The following PPP1R12A variants were observed in gnomAD, a reference collection of about 807,000 sequenced individuals.
The protein encoded by PPP1R12A is protein phosphatase 1 regulatory subunit 12A, also known as myosin binding subunit.
A neutral mutation model predicts 139.6 loss-of-function variants in PPP1R12A; 19 were observed. The ratio of observed to expected loss-of-function variants is 0.14; its 90% CI spans 0.09 to 0.20. The LOEUF is 0.20. PPP1R12A is among the 10% of genes least tolerant of loss of function. PPP1R12A has a pLI of 1.00. For missense variants in PPP1R12A, 925 were observed against 1,211.5 expected (o/e 0.76, Z 3.51); for synonymous variants, 427 against 420.6 (o/e 1.02, Z -0.19).
intron 14 of PPP1R12A, among the ~76,000 whole-genome samples, chr12:79,800,182 T>C (rs774754177): frequency 6.6e-6 from 1 of 152,046 alleles, no homozygotes; most frequent in African/African-American, 2.4e-5. Context: ...CAGAGTACAG[T>C]TGACTGCTGA....
chr12:79,890,931 A>ACACACC (rs1884574791), intron 1 of PPP1R12A, among the ~76,000 whole-genome samples: 2 of 148,934 alleles, frequency 1.3e-5, no homozygotes, highest in Non-Finnish European at 3.0e-5. Flanking sequence ...ACACACACAC[A>ACACACC]CACACACACA....
At chr12:79,923,952 G>A (rs1427352523) in intron 1 of PPP1R12A, among the ~76,000 whole-genome samples, 1 of 152,160 alleles carries the variant, frequency 6.6e-6, no homozygotes, top group Non-Finnish European at 1.5e-5. Context: ...GCTGAGGCAG[G>A]AGAATCACTT....
chr12:79,832,455 C>T lies in PPP1R12A; in HGVS notation c.524G>A (p.Arg175Gln), dbSNP rs932126039. 4 of 1,610,672 alleles carry T rather than the reference C, an allele frequency of 2.5e-6. No individual in the cohort carries two copies. The highest frequency in any genetic ancestry group is 1.3e-5 in the African/African-American group (1 of 74,870). ...CTGCCTGGCATCTCTAAGCATGATC[C>T]GTTCTTCTTCCTTTCGAGCTGCTTC... ...DIEAARKEEE[R>Q]IMLRDARQWL... Residue 175 changes from arginine (R) to glutamine (Q), a missense_variant, in exon 4 of 25, where the codon CGG becomes CAG. Transcript: ENST00000450142.
At chr12:79,934,104 G>A (rs953564747) in intron 1 of PPP1R12A, among the ~76,000 whole-genome samples, 4 of 152,006 alleles carry the variant, frequency 2.6e-5, no homozygotes, top group Non-Finnish European at 4.4e-5. Context: ...ATTACACCCT[G>A]TTTTCCCCTC....
chr12:79,866,429 A>C (rs1881971069), intron 2 of PPP1R12A, among the ~76,000 whole-genome samples: 1 of 152,210 alleles, frequency 6.6e-6, no homozygotes, highest in African/African-American at 2.4e-5. Flanking sequence ...CTTCATGACT[A>C]AAACACCAAA....
At chr12:79,837,958 C>G (rs1461022948) in intron 3 of PPP1R12A, among the ~76,000 whole-genome samples, 1 of 152,046 alleles carries the variant, frequency 6.6e-6, no homozygotes, top group African/African-American at 2.4e-5. Context: ...TAGTGGGGCA[C>G]AGTTGTAAAG....
Position 79,805,626 on chromosome 12 carries a change from C to T in PPP1R12A, c.1966G>A (p.Val656Ile), listed in dbSNP as rs369916255. ...TTLTTTTAGT[V>I]SSTTEVRERR... is the part of the protein sequence containing the mutation. ...TCCCTGACCTCTGTTGTGGAGGAGACAGTGCCAGCAGTAGTTGTAGTCAGG... is the reference window on the plus strand; with the variant it reads ...TCCCTGACCTCTGTTGTGGAGGAGATAGTGCCAGCAGTAGTTGTAGTCAGG... Residue 656 changes from valine to isoleucine, a missense_variant, in exon 14 of 25, where the codon GTC (valine) becomes ATC (isoleucine). Val to Ile is a conservative substitution (Grantham distance 29). Around this residue, in one of 4 missense-constraint regions of PPP1R12A, gnomAD observed 403 missense variants for 463.7 expected, o/e 0.87. Transcript: ENST00000450142. 12 of 1,613,596 alleles carry T rather than the reference C, an allele frequency of 7.4e-6. No individual in the cohort carries two copies. The African/African-American group carries it at 1.2e-4, about 16-fold the overall frequency.
chr12:79,933,817 T>C (rs1023890195), intron 1 of PPP1R12A, among the ~76,000 whole-genome samples: 2 of 152,246 alleles, frequency 1.3e-5, no homozygotes, highest in Non-Finnish European at 2.9e-5. Context: ...AAAGCATCCA[T>C]TTTGAGAAAA....
Position 79,797,291 on chromosome 12 carries a change from T to C in PPP1R12A, c.2196A>G (p.Lys732=), listed in dbSNP as rs751720853. The change falls in exon 16 of 25, where the codon AAA becomes AAG. Residue 732 remains lysine (K), a synonymous_variant. Coordinates refer to ENST00000450142, the MANE Select transcript of PPP1R12A (RefSeq NM_002480.3). ...QENEEKEKEE[K]EKQDKEKQEE... ...CTTGTTTCTCTTTATCTTGTTTCTC[T>C]TTTTCCTCTTTTTCTTTTTCTTCAT... 9.4e-6 allele frequency: 15 copies of C among 1,588,554 alleles called. 1 individual carries two copies. The South Asian group carries it at 1.6e-4, about 17-fold the overall frequency.
chr12:79,828,613 C>T, intron 4 of PPP1R12A, 149 bp from the exon 5 acceptor site: 1 of 659,192 alleles, frequency 1.5e-6, no homozygotes. Context: ...TTAACTATGG[C>T]AAATACAAAG....
chr12:79,833,846 G>GT (rs1555212478), intron 3 of PPP1R12A, among the ~76,000 whole-genome samples: 31 of 116,784 alleles, frequency 2.7e-4, no homozygotes, highest in Non-Finnish European at 4.3e-4. Context: ...CAAAGAAAAG[G>GT]AAAAAAAAAA....
At chr12:79,880,912 A>G (rs564556872) in intron 1 of PPP1R12A, among the ~76,000 whole-genome samples, 9 of 152,276 alleles carry the variant, frequency 5.9e-5, no homozygotes, top group African/African-American at 2.2e-4. Flanking sequence ...ACAATATTTT[A>G]AATTTTTTCA....
intron 9 of PPP1R12A, among the ~76,000 whole-genome samples, chr12:79,814,871 A>G (rs1007450692): frequency 2.6e-5 from 4 of 151,662 alleles, no homozygotes; most frequent in African/African-American, 7.3e-5. Flanking sequence ...ATCGTTTTGA[A>G]TAAAATTTGG....
At chr12:79,934,510 C>G (rs1888518261) in intron 1 of PPP1R12A, among the ~76,000 whole-genome samples, 185 bp downstream of exon 1, 1 of 152,236 alleles carries the variant, frequency 6.6e-6, no homozygotes, top group African/African-American at 2.4e-5. Flanking sequence ...AGGGGGGCCT[C>G]AAGCCCAGCG....
At chr12:79,811,360 AG>A (rs1874508248) in intron 9 of PPP1R12A, among the ~76,000 whole-genome samples, 4 of 152,210 alleles carry the variant, frequency 2.6e-5, no homozygotes, top group Admixed American at 2.6e-4. Context: ...AGTGCTCCAG[AG>A]TGTCACAACA....
Position 79,875,468 on chromosome 12 carries a change from T to C in PPP1R12A, c.238-2530A>G, listed in dbSNP as rs868470062. On this transcript the variant is annotated intron_variant, in intron 1 of 24. Coordinates refer to ENST00000450142, the MANE Select transcript of PPP1R12A (RefSeq NM_002480.3). Reference sequence around the variant, plus strand: ...GGGCAAGTGGCCTCTTTTTTTCTAATGTGGGTAAAACCCAGTAAATGAACT... The same window carrying C: ...GGGCAAGTGGCCTCTTTTTTTCTAACGTGGGTAAAACCCAGTAAATGAACT... Among the ~76,000 whole-genome samples the C allele has an allele frequency of 3.9e-5, 6 of 152,346 alleles. No individual in the cohort carries two copies. The Middle Eastern group carries it at 0.017, about 432-fold the overall frequency.
At chr12:79,858,188 A>G (rs1880903950) in intron 2 of PPP1R12A, among the ~76,000 whole-genome samples, 1 of 152,186 alleles carries the variant, frequency 6.6e-6, no homozygotes, top group African/African-American at 2.4e-5. Context: ...AAAATATGAC[A>G]AATTACTACT....
intron 9 of PPP1R12A, among the ~76,000 whole-genome samples, chr12:79,815,220 G>T (rs1367305125): frequency 6.6e-6 from 1 of 152,146 alleles, no homozygotes; most frequent in Non-Finnish European, 1.5e-5. Flanking sequence ...AGTAGGAAAG[G>T]GATTACTTAG....
At chr12:79,834,153 CAG>C (rs1877800091) in intron 3 of PPP1R12A, among the ~76,000 whole-genome samples, 2 of 151,930 alleles carry the variant, frequency 1.3e-5, no homozygotes, top group South Asian at 2.1e-4. Flanking sequence ...GGAAAGGAAA[CAG>C]AAAGGGTAAT....
Sources: gnomAD v4.1 joint callset for allele counts (sites outside exome capture counted in the v4.1 genomes callset) on GRCh38, gnomAD v4.1.1 for gene constraint, gnomAD v4.1.1 regional missense constraint, MANE v1.5 for transcripts, NCBI Gene and HGNC (gene_info 2026-07-23, HGNC 2026-07-21) for gene names.